TRUB1: variants seen among roughly 807,000 people sequenced by gnomAD.
TRUB1 encodes TruB pseudouridine synthase family member 1, also known as pseudouridylate synthase TRUB1.
TRUB1 carries 23 observed loss-of-function variants against 33.9 expected under a neutral mutation model. The observed-to-expected ratio is 0.68, with a 90% CI of 0.49 to 0.96. TRUB1 has a LOEUF of 0.96. TRUB1 is among the 40% of genes least tolerant of loss of function. The pLI, the probability that TRUB1 is intolerant of heterozygous loss-of-function variation, is 0.00. For missense variants in TRUB1, 378 were observed against 422.2 expected, an observed-to-expected ratio of 0.90 and a Z score of 0.92; for synonymous variants, 163 against 165.4, an observed-to-expected ratio of 0.99 and a Z score of 0.11.
intron 2 of TRUB1, among the ~76,000 whole-genome samples, chr10:114,943,503 C>T (rs567977690): frequency 6.6e-6 from 1 of 152,146 alleles, no homozygotes; most frequent in African/African-American, 2.4e-5. Flanking sequence ...GCACTCCAGC[C>T]TGGGCGACAG....
intron 4 of TRUB1, among the ~76,000 whole-genome samples, chr10:114,962,775 A>C (rs907740773): frequency 4.6e-5 from 7 of 152,200 alleles, no homozygotes; most frequent in Admixed American, 3.3e-4. Context: ...GGCTGAAACC[A>C]TGTCTCTTTT....
At chr10:114,968,904 T>C (rs1201998934) in intron 4 of TRUB1, among the ~76,000 whole-genome samples, 2 of 152,160 alleles carry the variant, frequency 1.3e-5, no homozygotes, top group Non-Finnish European at 2.9e-5. Flanking sequence ...AATACACATA[T>C]ACCAGAATAA....
At chr10:114,961,316 T>G (rs1359590044) in intron 4 of TRUB1, among the ~76,000 whole-genome samples, 1 of 151,948 alleles carries the variant, frequency 6.6e-6, no homozygotes, top group African/African-American at 2.4e-5. Context: ...TTCCCATGAT[T>G]AGGAAGTAAA....
In TRUB1 at chr10:114,975,214, G is replaced by A; in HGVS notation, c.885G>A (p.Trp295Ter). 1.2e-6 allele frequency: 2 copies of A among 1,613,644 alleles called. No homozygotes were observed. The highest frequency in any genetic ancestry group is 1.7e-6 in the Non-Finnish European group (2 of 1,179,708). ...LEEHALPEDK[W>*]TIDDIAQSLE... is the part of the protein sequence containing the mutation. ...AACATGCCCTTCCTGAAGACAAATG[G>A]ACAATTGATGACATTGCACAGTCTC... is the stretch of plus-strand genomic sequence containing the variant. Residue 295 changes from tryptophan (W) to a stop codon, truncating the protein, a stop_gained, in exon 8 of 8, where the codon TGG (tryptophan) becomes TGA (stop). Coordinates refer to ENST00000298746, the MANE Select transcript of TRUB1 (RefSeq NM_139169.5). LOFTEE classifies it high-confidence loss of function.
chr10:114,943,743 A>G lies in TRUB1; in HGVS notation c.385+1000A>G, dbSNP rs920700066. Among the ~76,000 whole-genome samples the G allele has an allele frequency of 2.6e-5, 4 of 152,120 alleles. No individual in the cohort carries two copies. The South Asian group carries it at 8.3e-4, about 31-fold the overall frequency. On this transcript the variant is annotated intron_variant, in intron 2 of 7. Transcript: ENST00000298746. ...TATGGTCCAGCTGTGTATTCTTACT[A>G]CATCACTGTAAAATTCTGAGCTATA...
At chr10:114,941,807 C>T (rs1313410798) in intron 1 of TRUB1, among the ~76,000 whole-genome samples, 5 of 151,366 alleles carry the variant, frequency 3.3e-5, no homozygotes, top group African/African-American at 9.7e-5. Flanking sequence ...TTTTTTGAGA[C>T]GGAGTCTTGC....
At chr10:114,951,194 G>T in intron 3 of TRUB1, 45 bp downstream of exon 3, 2 of 1,473,840 alleles carry the variant, frequency 1.4e-6, no homozygotes, top group Non-Finnish European at 1.9e-6. Context: ...TGTTCTTAAT[G>T]ATCTACATGT....
chr10:114,957,361 T>G (rs978114583), intron 3 of TRUB1, among the ~76,000 whole-genome samples: 1 of 152,306 alleles, frequency 6.6e-6, no homozygotes, highest in East Asian at 1.9e-4. Flanking sequence ...GTAGTTGTGT[T>G]TATTGAAGTT....
At chr10:114,948,167 A>G (rs2084219305) in intron 2 of TRUB1, among the ~76,000 whole-genome samples, 1 of 152,184 alleles carries the variant, frequency 6.6e-6, no homozygotes, top group Admixed American at 6.5e-5. Context: ...TAATTGTGCA[A>G]CAGTGCATGG....
chr10:114,975,168 A>G lies in TRUB1; in HGVS notation c.839A>G (p.Gln280Arg), dbSNP rs927459438. Reference sequence around the variant, plus strand: ...GTGCTAGAGCTGACCCGAACCAAACAGGGACCATTTACGCTAGAAGAACAT... The same window carrying G: ...GTGCTAGAGCTGACCCGAACCAAACGGGGACCATTTACGCTAGAAGAACAT... ...ANVLELTRTK[Q>R]GPFTLEEHAL... Residue 280 changes from glutamine (Q) to arginine (R), a missense_variant, in exon 8 of 8, where the codon CAG (glutamine) becomes CGG (arginine). Coordinates refer to ENST00000298746, the MANE Select transcript of TRUB1 (RefSeq NM_139169.5). The G allele has an allele frequency of 6.2e-7, 1 of 1,613,604 alleles. No homozygotes were observed. Among genetic ancestry groups the G allele is most frequent in the Non-Finnish European group, 8.5e-7 (1 of 1,179,666 alleles).
chr10:114,938,788 C>T (rs2084172105), intron 1 of TRUB1, among the ~76,000 whole-genome samples: 1 of 152,166 alleles, frequency 6.6e-6, no homozygotes, highest in Non-Finnish European at 1.5e-5. Flanking sequence ...ACAATAAAAC[C>T]CTGCCCTTGG....
intron 4 of TRUB1, among the ~76,000 whole-genome samples, chr10:114,960,815 G>C (rs1384235662): frequency 6.6e-6 from 1 of 152,074 alleles, no homozygotes; most frequent in East Asian, 1.9e-4. Flanking sequence ...AAGACTTTAA[G>C]ATTAAGGAGG....
chr10:114,970,528 T>G, intron 5 of TRUB1, 88 bp downstream of exon 5: 1 of 990,818 alleles, frequency 1.0e-6, no homozygotes, highest in Non-Finnish European at 1.6e-6. Flanking sequence ...GAGTTTCCTC[T>G]TAGCATATGG....
intron 4 of TRUB1, among the ~76,000 whole-genome samples, chr10:114,967,519 T>C (rs777379243): frequency 2.0e-4 from 31 of 152,342 alleles, no homozygotes; most frequent in Non-Finnish European, 3.5e-4. Context: ...CAAATAATGA[T>C]GTATAACATG....
intron 1 of TRUB1, among the ~76,000 whole-genome samples, chr10:114,939,821 C>CTTTTTTTTTTTTTTTTTT (rs199856592): frequency 9.7e-6 from 1 of 103,490 alleles, no homozygotes; most frequent in Admixed American, 8.6e-5. Flanking sequence ...CTCTGGGTTT[C>CTTTTTTTTTTTTTTTTTT]TTTTCTTTTT....
At chr10:114,973,648 G>A (rs1234043654) in intron 6 of TRUB1, among the ~76,000 whole-genome samples, 1 of 152,176 alleles carries the variant, frequency 6.6e-6, no homozygotes, top group Non-Finnish European at 1.5e-5. Flanking sequence ...ATAATGGAGA[G>A]CTCTGTTCTT....
At position 114,947,161 on chromosome 10, in the gene TRUB1, C is replaced by A. The variant is rs946554666; in HGVS notation, c.386-3933C>A. ...TCACAAGCCAAAGAATGGGGGCAGC[C>A]TCTAAAAGCTGGAGGAGGCAAAAAA... On this transcript the variant is annotated intron_variant, in intron 2 of 7. Coordinates refer to ENST00000298746, the MANE Select transcript of TRUB1 (RefSeq NM_139169.5). 9.9e-5 allele frequency among the ~76,000 whole-genome samples: 15 copies of A among 151,780 alleles called. 1 individual carries two copies. Among genetic ancestry groups the A allele is most frequent in the Admixed American group, 9.8e-4 (15 of 15,246 alleles).
intron 7 of TRUB1, among the ~76,000 whole-genome samples, chr10:114,974,747 A>G (rs1033156212): frequency 6.6e-6 from 1 of 151,888 alleles, no homozygotes; most frequent in Admixed American, 6.6e-5. Context: ...TGGAAGCCGT[A>G]GTCTTATAAA....
At chr10:114,969,992 C>T (rs2084328201) in intron 4 of TRUB1, among the ~76,000 whole-genome samples, 1 of 152,078 alleles carries the variant, frequency 6.6e-6, no homozygotes, top group Non-Finnish European at 1.5e-5. Flanking sequence ...TATTTTGCTG[C>T]TTGTATTCTG....
Sources: gnomAD v4.1 joint callset for allele counts (sites outside exome capture counted in the v4.1 genomes callset) on GRCh38, gnomAD v4.1.1 for gene constraint, MANE v1.5 for transcripts, NCBI Gene and HGNC (gene_info 2026-07-23, HGNC 2026-07-21) for gene names.